The following CADPS2 variants were observed in gnomAD, a reference collection of about 807,000 sequenced individuals.
CADPS2 encodes the protein calcium dependent secretion activator 2.
Under a neutral mutation model 172.5 loss-of-function variants are expected in CADPS2, and 93 were observed. The ratio of observed to expected loss-of-function variants is 0.54; its 90% CI spans 0.46 to 0.64. The LOEUF (loss-of-function observed/expected upper bound fraction) is 0.64. Ranked by LOEUF, CADPS2 falls within the 30% of genes least tolerant of loss-of-function variation. CADPS2 has a pLI of 0.00. For missense variants in CADPS2, 1,420 were observed against 1,565.9 expected (o/e 0.91, Z 1.57); for synonymous variants, 546 against 555.2 (o/e 0.98, Z 0.23).
At chr7:122,586,824 CTG>C (rs1279177179) in intron 6 of CADPS2, among the ~76,000 whole-genome samples, 1 of 151,926 alleles carries the variant, frequency 6.6e-6, no homozygotes, top group African/African-American at 2.4e-5. Context: ...TATTGTCTGA[CTG>C]TTGCACATAT....
intron 17 of CADPS2, among the ~76,000 whole-genome samples, chr7:122,428,472 T>TATA (rs1491400851): frequency 1.7e-3 from 111 of 66,632 alleles, no homozygotes; most frequent in South Asian, 3.6e-3. Context: ...TATATATATA[T>TATA]TTTTTTTTTT....
chr7:122,831,565 T>G (rs917431686), intron 1 of CADPS2, among the ~76,000 whole-genome samples: 12 of 152,182 alleles, frequency 7.9e-5, no homozygotes, highest in African/African-American at 2.9e-4. Flanking sequence ...GGGAAAGAAT[T>G]GCTGTTTCAC....
At chr7:122,359,415 G>A (rs530393611) in intron 27 of CADPS2, among the ~76,000 whole-genome samples, 23 of 152,180 alleles carry the variant, frequency 1.5e-4, no homozygotes, top group Non-Finnish European at 2.2e-4. Flanking sequence ...ACTGAGAAGG[G>A]AAGTAAATGA....
chr7:122,649,670 G>A (rs2078928713), intron 3 of CADPS2, among the ~76,000 whole-genome samples: 1 of 152,080 alleles, frequency 6.6e-6, no homozygotes, highest in South Asian at 2.1e-4. Flanking sequence ...CCACCCATGT[G>A]CTCCTGCTGT....
intron 29 of CADPS2, among the ~76,000 whole-genome samples, chr7:122,321,324 G>A (rs748900896): frequency 2.0e-5 from 3 of 152,028 alleles, no homozygotes; most frequent in Non-Finnish European, 4.4e-5. Context: ...GTGCTACTGC[G>A]CTCGGCTAAC....
In CADPS2 at chr7:122,377,302, C is replaced by T. The variant is rs2042471201; in HGVS notation, c.3387+2066G>A. On this transcript the variant is annotated intron_variant, in intron 25 of 29. Transcript: ENST00000449022. ...TCAAATACACTATTTTTAAAATTAACCTGATGTATTTGATATAGAAAAATT... is the reference window on the plus strand; with the variant it reads ...TCAAATACACTATTTTTAAAATTAATCTGATGTATTTGATATAGAAAAATT... Among the ~76,000 whole-genome samples the T allele has an allele frequency of 7.2e-5, 11 of 152,082 alleles. No individual in the cohort carries two copies. The South Asian group carries it at 2.1e-3, about 29-fold the overall frequency.
rs1285065684 is a variant in CADPS2 at position 122,441,496 on chromosome 7, T to A, written c.2352+16A>T. On this transcript the variant is annotated intron_variant, in intron 16 of 29. Transcript: ENST00000449022. ...GAGAAAGCAAATAGTATTTATAAAGTAATGTTCAAACATACCCTTTCAAGT... is the reference window on the plus strand; with the variant it reads ...GAGAAAGCAAATAGTATTTATAAAGAAATGTTCAAACATACCCTTTCAAGT... 2.0e-6 allele frequency: 3 copies of A among 1,501,234 alleles called. No homozygotes were observed. Among genetic ancestry groups the A allele is most frequent in the Non-Finnish European group, 2.7e-6 (3 of 1,120,100 alleles). 93.0% of individuals were successfully genotyped at this position (1,501,234 alleles called of 1,614,324 possible). A position where few individuals can be genotyped will look rare whatever the true frequency, so the allele number is the denominator to read the frequency against.
intron 1 of CADPS2, among the ~76,000 whole-genome samples, chr7:122,821,935 T>A (rs1288338928): frequency 2.0e-5 from 3 of 152,060 alleles, no homozygotes; most frequent in Non-Finnish European, 4.4e-5. Flanking sequence ...TAGGCCCCAG[T>A]CTCATTCCAG....
intron 2 of CADPS2, among the ~76,000 whole-genome samples, chr7:122,700,663 G>A (rs903099190): frequency 2.0e-5 from 3 of 151,988 alleles, no homozygotes; most frequent in South Asian, 2.1e-4. Context: ...ATATAACATC[G>A]AAAGGCAATT....
At chr7:122,845,279 C>T (rs569557579) in intron 1 of CADPS2, among the ~76,000 whole-genome samples, 1 of 152,230 alleles carries the variant, frequency 6.6e-6, no homozygotes, top group South Asian at 2.1e-4. Flanking sequence ...AAGAAGGGAC[C>T]CAGGACTTAT....
At chr7:122,481,008 A>C (rs2057223076) in intron 11 of CADPS2, 148 bp from the exon 12 acceptor site, 7 of 638,306 alleles carry the variant, frequency 1.1e-5, no homozygotes, top group Non-Finnish European at 1.5e-5. Flanking sequence ...TCAGGAAAGA[A>C]AACAAAAATT....
At chr7:122,875,379 G>C (rs1820935242) in intron 1 of CADPS2, among the ~76,000 whole-genome samples, 1 of 152,098 alleles carries the variant, frequency 6.6e-6, no homozygotes, top group Non-Finnish European at 1.5e-5. Context: ...ACACAACTAA[G>C]AGACTGGAAT....
intron 1 of CADPS2, among the ~76,000 whole-genome samples, chr7:122,798,265 A>T (rs1796837117): frequency 6.6e-6 from 1 of 152,174 alleles, no homozygotes; most frequent in African/African-American, 2.4e-5. Flanking sequence ...TGACCCAAAC[A>T]TCAATACTTG....
chr7:122,544,449 T>A (rs2063419084), intron 8 of CADPS2, among the ~76,000 whole-genome samples: 1 of 152,168 alleles, frequency 6.6e-6, no homozygotes, highest in African/African-American at 2.4e-5. Context: ...CAACGATTTA[T>A]TATTTCTTAT....
chr7:122,614,344 C>G (rs2074652923), intron 6 of CADPS2, among the ~76,000 whole-genome samples: 4 of 152,054 alleles, frequency 2.6e-5, no homozygotes, highest in Admixed American at 2.6e-4. Flanking sequence ...CCTGCCTGCT[C>G]TAAAGAAAAT....
chr7:122,577,773 C>T (rs934819509), intron 7 of CADPS2, among the ~76,000 whole-genome samples: 3 of 152,074 alleles, frequency 2.0e-5, no homozygotes, highest in Non-Finnish European at 4.4e-5. Context: ...TGCACTGCCA[C>T]CAGCAATGAG....
At chr7:122,878,582 G>A (rs1821950505) in intron 1 of CADPS2, among the ~76,000 whole-genome samples, 1 of 151,444 alleles carries the variant, frequency 6.6e-6, no homozygotes, top group Non-Finnish European at 1.5e-5. Context: ...GGAGCTTGCA[G>A]TGAGCCAAGA....
chr7:122,674,092 G>A (rs570666447), intron 2 of CADPS2, among the ~76,000 whole-genome samples: 26 of 152,232 alleles, frequency 1.7e-4, no homozygotes, highest in African/African-American at 4.3e-4. Context: ...CTTACTTCCC[G>A]GGGCCAGCGG....
chr7:122,640,642 AT>A (rs2077529792), intron 3 of CADPS2, among the ~76,000 whole-genome samples: 2 of 152,028 alleles, frequency 1.3e-5, no homozygotes, highest in African/African-American at 4.8e-5. Context: ...ATAAAAAAAA[AT>A]ATTGTTGGCT....
Sources: allele counts gnomAD v4.1 joint callset (sites outside exome capture counted in the v4.1 genomes callset), GRCh38; gene constraint gnomAD v4.1.1; transcripts MANE v1.5; gene names NCBI Gene and HGNC (gene_info 2026-07-23, HGNC 2026-07-21).